The following AOX1 variants were observed in gnomAD, a reference collection of about 807,000 sequenced individuals.
AOX1 encodes aldehyde oxidase 1, also known as aldehyde oxidase.
A neutral mutation model predicts 169.5 loss-of-function variants in AOX1; 153 were observed. The observed-to-expected ratio is 0.90, with a 90% CI of 0.79 to 1.03. The LOEUF (loss-of-function observed/expected upper bound fraction) is 1.03, where lower values mean the gene tolerates loss of function less well. AOX1 is among the 50% of genes least tolerant of loss of function. The pLI is 0.00. For synonymous variants in AOX1, 562 were observed against 581.9 expected (o/e 0.97, Z 0.49); for missense variants, 1,656 against 1,663.9 (o/e 1.00, Z 0.08).
At chr2:200,678,953 T>C (rs1456849181), downstream of AOX1, among the ~76,000 whole-genome samples, 6 of 152,200 alleles carry the variant, frequency 3.9e-5, no homozygotes, top group Non-Finnish European at 7.4e-5. Context: ...ATACTAGAGA[T>C]TGTTTGAAGG....
rs1366515822 is a variant in AOX1, at chr2:200,588,726, C to T, written c.45+2573C>T. ...CTTACATGGAAAGAACTAGAATAAG[C>T]TTTTTTTTTTTTTTTTTTTTTGAGA... On this transcript the variant is annotated intron_variant, in intron 1 of 34. Coordinates refer to ENST00000374700, the MANE Select transcript of AOX1 (RefSeq NM_001159.4). 3.5e-3 allele frequency among the ~76,000 whole-genome samples: 191 copies of T among 53,960 alleles called. 1 individual carries two copies. The highest frequency in any genetic ancestry group is 0.011 in the Middle Eastern group (1 of 94). 35.4% of individuals were successfully genotyped at this position (53,960 alleles called of 152,430 possible).
At chr2:200,667,049 T>C (rs1215435397) in intron 32 of AOX1, among the ~76,000 whole-genome samples, 1 of 152,168 alleles carries the variant, frequency 6.6e-6, no homozygotes, top group East Asian at 1.9e-4. Context: ...TAAATAGAGT[T>C]AGTGCCCAGT....
At chr2:200,670,547 A>C in intron 34 of AOX1, 82 bp from the exon 35 acceptor site, 1 of 1,225,252 alleles carries the variant, frequency 8.2e-7, no homozygotes, top group Non-Finnish European at 1.2e-6. Context: ...GCTGGTGTTT[A>C]ACCTACTTTA....
At chr2:200,624,586 C>A (rs1028971392) in intron 19 of AOX1, among the ~76,000 whole-genome samples, 1 of 152,176 alleles carries the variant, frequency 6.6e-6, no homozygotes, top group Non-Finnish European at 1.5e-5. Flanking sequence ...TGAGGACCAA[C>A]AGGATGTTCC....
intron 32 of AOX1, among the ~76,000 whole-genome samples, chr2:200,667,277 G>A (rs898373499): frequency 6.6e-6 from 1 of 152,160 alleles, no homozygotes; most frequent in Non-Finnish European, 1.5e-5. Flanking sequence ...TGCCCACACT[G>A]GATCCTCATT....
rs578146134 is a variant in AOX1, at chr2:200,612,495, C to T, written c.1264-114C>T. The stretch of plus-strand genomic sequence containing the variant: ...CACACACTACCTGGTGTGTAGGTGA[C>T]ACTCAACACACACAGACTGCCCGGT... On this transcript the variant is annotated intron_variant, in intron 13 of 34. Coordinates refer to ENST00000374700, the MANE Select transcript of AOX1 (RefSeq NM_001159.4). 281 of 981,306 alleles carry T rather than the reference C, an allele frequency of 2.9e-4. 5 individuals are homozygous for T. In the South Asian group the frequency reaches 3.9e-3, roughly 14 times the overall value. 60.8% of individuals were successfully genotyped at this position (981,306 alleles called of 1,614,324 possible). A position where few individuals can be genotyped will look rare whatever the true frequency, so the allele number is the denominator to read the frequency against.
At chr2:200,625,104 A>T (rs545403383) in intron 19 of AOX1, among the ~76,000 whole-genome samples, 1 of 152,280 alleles carries the variant, frequency 6.6e-6, no homozygotes, top group East Asian at 1.9e-4. Context: ...CATGTCAAAT[A>T]GACAAAAACG....
downstream of AOX1, among the ~76,000 whole-genome samples, chr2:200,674,754 G>A (rs2036073628): frequency 6.6e-6 from 1 of 152,092 alleles, no homozygotes; most frequent in Non-Finnish European, 1.5e-5. Context: ...GACCAAAACT[G>A]GTCCTCAATT....
chr2:200,622,109 A>G (rs1016897192), intron 18 of AOX1, among the ~76,000 whole-genome samples: 1 of 152,238 alleles, frequency 6.6e-6, no homozygotes, highest in Admixed American at 6.5e-5. Context: ...GCTGAACAAG[A>G]TATGTATGAT....
chr2:200,676,223 C>T (rs2036095537), downstream of AOX1, among the ~76,000 whole-genome samples: 1 of 151,978 alleles, frequency 6.6e-6, no homozygotes, highest in East Asian at 1.9e-4. Flanking sequence ...TCAAGAAACT[C>T]CCCTGAATGT....
At chr2:200,609,560 TGA>T (rs2034590517) in intron 12 of AOX1, 146 bp downstream of exon 12, 26 of 690,530 alleles carry the variant, frequency 3.8e-5, no homozygotes, top group Non-Finnish European at 6.0e-5. Flanking sequence ...GGAAATTTTG[TGA>T]GTCTTGTCTT....
intron 1 of AOX1, among the ~76,000 whole-genome samples, chr2:200,590,249 G>A (rs1276838097): frequency 1.3e-5 from 2 of 152,100 alleles, no homozygotes; most frequent in East Asian, 3.9e-4. Context: ...GCAGTACACA[G>A]AGAAAAGTGA....
intron 25 of AOX1, among the ~76,000 whole-genome samples, chr2:200,643,773 G>A (rs879297187): frequency 6.6e-6 from 1 of 152,100 alleles, no homozygotes; most frequent in Non-Finnish European, 1.5e-5. Flanking sequence ...AGGTGGTGTA[G>A]CATTGTGGTT....
At chr2:200,597,575 T>A in intron 4 of AOX1, 70 bp downstream of exon 4, 1 of 1,227,644 alleles carries the variant, frequency 8.1e-7, no homozygotes, top group East Asian at 2.4e-5. Flanking sequence ...TCCCTGAGAT[T>A]AAGAGAGCGG....
intron 20 of AOX1, among the ~76,000 whole-genome samples, chr2:200,631,756 T>C (rs1420889426): frequency 1.3e-5 from 2 of 152,218 alleles, no homozygotes; most frequent in African/African-American, 4.8e-5. Context: ...TTTTTAGCTC[T>C]GAATATTTTA....
At chr2:200,657,160 C>CAAAAAAAAAAAAAAAA (rs1442000312) in intron 27 of AOX1, among the ~76,000 whole-genome samples, 5 of 59,134 alleles carry the variant, frequency 8.5e-5, no homozygotes, top group African/African-American at 3.0e-4. Flanking sequence ...TCCATCTCTA[C>CAAAAAAAAAAAAAAAA]CAAAAATATA....
chr2:200,636,021 C>T (rs2035222069), intron 21 of AOX1, among the ~76,000 whole-genome samples: 1 of 151,670 alleles, frequency 6.6e-6, no homozygotes, highest in Non-Finnish European at 1.5e-5. Context: ...ACTAAATGAC[C>T]CCTAATCATT....
At chr2:200,642,831 CAT>C (rs777213859) in intron 25 of AOX1, 30 bp downstream of exon 25, 107 of 1,596,092 alleles carry the variant, frequency 6.7e-5, no homozygotes, top group Middle Eastern at 6.7e-4. Flanking sequence ...ACAGACAAAA[CAT>C]GTGGAATGTC....
In AOX1 at chr2:200,609,132, G is replaced by T. The variant is rs1220952473; in HGVS notation, c.1056G>T (p.Met352Ile). ...GTLAGSQIRN[M>I]ASLGGHIISR... ...TGGCTGGGTCCCAGATCAGGAACATGGCTGTATGTATCTGATGACAGTAAA... is the reference window on the plus strand; with the variant it reads ...TGGCTGGGTCCCAGATCAGGAACATTGCTGTATGTATCTGATGACAGTAAA... Residue 352 changes from methionine to isoleucine, a missense_variant, in exon 11 of 35, where the codon ATG (methionine) becomes ATT (isoleucine). Coordinates refer to ENST00000374700, the MANE Select transcript of AOX1 (RefSeq NM_001159.4). 6 of 1,613,906 alleles carry T rather than the reference G, an allele frequency of 3.7e-6. No individual in the cohort carries two copies. The highest frequency in any genetic ancestry group is 5.1e-6 in the Non-Finnish European group (6 of 1,179,936).
Sources: allele counts gnomAD v4.1 joint callset (sites outside exome capture counted in the v4.1 genomes callset), GRCh38; gene constraint gnomAD v4.1.1; transcripts MANE v1.5; gene names NCBI Gene and HGNC (gene_info 2026-07-23, HGNC 2026-07-21).